Variants in NCAPD2 observed in about 807,000 individuals in gnomAD.
NCAPD2 encodes the protein condensin complex subunit 1.
A neutral mutation model predicts 164.5 loss-of-function variants in NCAPD2; 100 were observed. The observed-to-expected ratio is 0.61, with a 90% CI of 0.52 to 0.72. The LOEUF is 0.72. NCAPD2 is among the 30% of genes least tolerant of loss of function. The probability of loss-of-function intolerance (pLI) is 0.00; values close to 1 mark genes in which losing one functional copy is unlikely to be tolerated. For missense variants in NCAPD2, 1,560 were observed against 1,749.2 expected (o/e 0.89, Z 1.93); for synonymous variants, 585 against 642.6 (o/e 0.91, Z 1.36).
At chr12:6,498,958 A>G (rs1334964915) in intron 2 of NCAPD2, among the ~76,000 whole-genome samples, 3 of 151,998 alleles carry the variant, frequency 2.0e-5, no homozygotes, top group African/African-American at 7.3e-5. Flanking sequence ...CAGCATCACT[A>G]CCCTTGCACT....
intron 6 of NCAPD2, among the ~76,000 whole-genome samples, chr12:6,512,308 TAGACAGAC>T (rs1168340356): frequency 6.9e-6 from 1 of 145,868 alleles, no homozygotes; most frequent in Non-Finnish European, 1.5e-5. Flanking sequence ...GATAGATAGA[TAGACAGAC>T]AGACAAACAG....
chr12:6,527,208 G>A, intron 22 of NCAPD2, 145 bp downstream of exon 22: 1 of 893,082 alleles, frequency 1.1e-6, no homozygotes, highest in Non-Finnish European at 1.6e-6. Flanking sequence ...CGTAGGAAAG[G>A]TTCGTGTGAA....
chr12:6,497,620 T>TTTG (rs58209153), intron 2 of NCAPD2, among the ~76,000 whole-genome samples: 51,140 of 141,650 alleles, frequency 0.36, 9,136 homozygotes, highest in African/African-American at 0.49. Context: ...CTGTCACTTT[T>TTTG]TTGTTGTTGT....
Position 6,531,511 on chromosome 12 carries a change from T to TAAA in NCAPD2, c.*109_*111dup, listed in dbSNP as rs753638236. On this transcript the variant is annotated 3_prime_UTR_variant, in exon 32 of 32. Coordinates refer to ENST00000315579, the MANE Select transcript of NCAPD2 (RefSeq NM_014865.4). The surrounding 1 kb of genome is among the most constrained non-coding windows in gnomAD (Gnocchi z 4.1). ...AAAATATTTGTCTGTCTCTTTTTTT[T>TAAA]AAAAAAAAAAAAGGCCGGGCACTGT... 13,439 of 1,342,036 alleles carry TAAA rather than the reference T, an allele frequency of 0.01. 155 individuals carry two copies. The highest frequency in any genetic ancestry group is 0.077 in the African/African-American group (5,095 of 66,244). The allele number at this position is 1,342,036 out of a possible 1,614,324, so 83.1% of individuals were successfully genotyped here.
chr12:6,516,497 G>A (rs148932559), intron 9 of NCAPD2, among the ~76,000 whole-genome samples: 93 of 152,282 alleles, frequency 6.1e-4, no homozygotes, highest in African/African-American at 1.9e-3. Context: ...GCAAGACTCC[G>A]TCTCAAAAAC....
At position 6,522,960 on chromosome 12, in the gene NCAPD2, C is replaced by T. The variant is rs1243333542; in HGVS notation, c.2087C>T (p.Ala696Val). 1.2e-6 allele frequency: 2 copies of T among 1,614,174 alleles called. No individual in the cohort carries two copies. The highest frequency in any genetic ancestry group is 1.7e-6 in the Non-Finnish European group (2 of 1,180,046). ...EPGVREAVLNAYRQLYLNPKG... is the reference protein window; with the variant it reads ...EPGVREAVLNVYRQLYLNPKG... ...GGTGTCCGGGAAGCCGTGCTTAATG[C>T]CTACCGCCAACTCTACCTCAACCCC... Residue 696 changes from alanine (A) to valine (V), a missense_variant, in exon 16 of 32, where the codon GCC becomes GTC. Physicochemically the swap from Ala to Val is moderately conservative, Grantham distance 64 (BLOSUM62 0). Transcript: ENST00000315579.
Position 6,531,603 on chromosome 12 carries a change from C to G in NCAPD2, c.*191C>G. ...GGTGGATAACCTGAGGTAGGGAGTT[C>G]GAGACCAGCCTGACCAACATGGAGA... On this transcript the variant is annotated 3_prime_UTR_variant, in exon 32 of 32. Transcript: ENST00000315579. This position sits in a 1 kb window ranked among gnomAD's most constrained non-coding sequence, Gnocchi z 4.1. The G allele has an allele frequency of 8.8e-7, 1 of 1,136,716 alleles. No homozygotes were observed. Among genetic ancestry groups the G allele is most frequent in the Non-Finnish European group, 1.2e-6 (1 of 810,286 alleles). The allele number at this position is 1,136,716 out of a possible 1,614,324, so 70.4% of individuals were successfully genotyped here. A position where few individuals can be genotyped will look rare whatever the true frequency, so the allele number is the denominator to read the frequency against.
At position 6,509,740 on chromosome 12, in the gene NCAPD2, CA is replaced by C; in HGVS notation, c.152del (p.Gln51ArgfsTer23). The C allele has an allele frequency of 1.2e-6, 2 of 1,614,008 alleles. No homozygotes were observed. Among genetic ancestry groups the C allele is most frequent in the Non-Finnish European group, 1.7e-6 (2 of 1,179,952 alleles). On this transcript the variant is annotated frameshift_variant, in exon 3 of 32. Transcript: ENST00000315579. LOFTEE classifies it high-confidence loss of function. Reference protein sequence around the residue: ...LRAFQAAFRAQGPLAMLQHFD... With the variant: ...LRAFQAAFRAXGPLAMLQHFD... ...AGCTTTTCAGGCTGCCTTTCGAGCT[CA>C]GGGGCCCCTGGCTATGCTGCAGCAC...
At chr12:6,523,643 C>T (rs561615124) in intron 17 of NCAPD2, among the ~76,000 whole-genome samples, 26 of 152,258 alleles carry the variant, frequency 1.7e-4, no homozygotes, top group Admixed American at 1.6e-3. Flanking sequence ...GTGATCCACC[C>T]GCCTCAACCT....
intron 9 of NCAPD2, among the ~76,000 whole-genome samples, chr12:6,515,336 T>C (rs1565542973): frequency 6.6e-6 from 1 of 152,030 alleles, no homozygotes. Context: ...AGGCACATAC[T>C]ACCATGCCTG....
intron 13 of NCAPD2, 61 bp from the exon 14 acceptor site, chr12:6,520,925 C>G: frequency 6.2e-7 from 1 of 1,606,492 alleles, no homozygotes; most frequent in Non-Finnish European, 8.5e-7. Flanking sequence ...ATGAGGTAAG[C>G]TCCCTTACAA....
rs148793704 is a variant in NCAPD2, at chr12:6,528,760, G to C, written c.3381G>C (p.Val1127=). 4.3e-6 allele frequency: 7 copies of C among 1,614,034 alleles called. No individual in the cohort carries two copies. The highest frequency in any genetic ancestry group is 5.1e-6 in the Non-Finnish European group (6 of 1,180,024). The part of the protein sequence containing the change: ...THLILKDMVK[V]KGQVSEMAVL... ...TGATCCTCAAGGACATGGTGAAGGT[G>C]AAGGGGCAGGTCAGCGAGATGGCGG... The change falls in exon 26 of 32, where the codon GTG becomes GTC. Residue 1127 remains valine (V), a synonymous_variant. Transcript: ENST00000315579. This position sits in a 1 kb window ranked among gnomAD's most constrained non-coding sequence, Gnocchi z 5.1.
At chr12:6,505,287 A>G (rs1946088855) in intron 2 of NCAPD2, among the ~76,000 whole-genome samples, 1 of 152,064 alleles carries the variant, frequency 6.6e-6, no homozygotes, top group Non-Finnish European at 1.5e-5. Flanking sequence ...GCTGGTCTCG[A>G]GCTCCTCACC....
intron 13 of NCAPD2, among the ~76,000 whole-genome samples, chr12:6,520,575 A>C (rs1355789985): frequency 6.6e-6 from 1 of 152,168 alleles, no homozygotes; most frequent in African/African-American, 2.4e-5. Flanking sequence ...ACGTGTCCCC[A>C]TTATTTTTTA....
chr12:6,509,074 C>T (rs905046990), intron 2 of NCAPD2, among the ~76,000 whole-genome samples: 13 of 143,840 alleles, frequency 9.0e-5, no homozygotes, highest in South Asian at 8.8e-4. Flanking sequence ...ATAGGATAAA[C>T]TTTTTTTTTT....
At chr12:6,523,102 T>C in intron 16 of NCAPD2, 100 bp downstream of exon 16, 1 of 1,503,990 alleles carries the variant, frequency 6.6e-7, no homozygotes, top group Non-Finnish European at 9.1e-7. Context: ...TCCAGGGGAG[T>C]TCCAGATCCA....
intron 2 of NCAPD2, among the ~76,000 whole-genome samples, chr12:6,506,531 A>C (rs1946100621): frequency 6.6e-6 from 1 of 151,904 alleles, no homozygotes; most frequent in Admixed American, 6.6e-5. Flanking sequence ...CAGAGCTTGC[A>C]GTGAGCCGAG....
chr12:6,504,456 G>T (rs1236473166), intron 2 of NCAPD2, among the ~76,000 whole-genome samples: 1 of 151,728 alleles, frequency 6.6e-6, no homozygotes, highest in Non-Finnish European at 1.5e-5. Flanking sequence ...GTGGTGGCGC[G>T]ATCTCGGCTC....
intron 2 of NCAPD2, among the ~76,000 whole-genome samples, chr12:6,498,614 T>A (rs79004682): frequency 1.4e-5 from 2 of 144,938 alleles, no homozygotes; most frequent in African/African-American, 4.9e-5. Context: ...TAACAACAAT[T>A]CTTTTTTTTT....
Sources: gnomAD v4.1 joint callset for allele counts (sites outside exome capture counted in the v4.1 genomes callset) on GRCh38, gnomAD v4.1.1 for gene constraint, Gnocchi (gnomAD v3.1) non-coding constraint, MANE v1.5 for transcripts, NCBI Gene and HGNC (gene_info 2026-07-23, HGNC 2026-07-21) for gene names.